PEX6: variants seen among roughly 807,000 people sequenced by gnomAD.
The protein encoded by PEX6 is peroxisomal biogenesis factor 6, also known as peroxisome biogenesis factor 6.
Under a neutral mutation model 85.6 loss-of-function variants are expected in PEX6, and 55 were observed. The ratio of observed to expected loss-of-function variants is 0.64; its 90% CI spans 0.52 to 0.80. The LOEUF is 0.80. PEX6 is among the 30% of genes least tolerant of loss of function. The probability of loss-of-function intolerance (pLI) is 0.00; values close to 1 mark genes in which losing one functional copy is unlikely to be tolerated. For synonymous variants in PEX6, 519 were observed against 549.1 expected, an observed-to-expected ratio of 0.95 and a Z score of 0.77; for missense variants, 1,099 against 1,260.3, an observed-to-expected ratio of 0.87 and a Z score of 1.94.
chr6:42,966,668 GA>G lies in PEX6; in HGVS notation c.1962-12del, dbSNP rs1554127104. 6.2e-7 allele frequency: 1 copy of G among 1,614,122 alleles called. No homozygotes were observed. Among genetic ancestry groups the G allele is most frequent in the Non-Finnish European group, 8.5e-7 (1 of 1,180,026 alleles). On this transcript the variant is annotated splice_polypyrimidine_tract_variant and intron_variant, in intron 9 of 16. Coordinates refer to ENST00000304611, the MANE Select transcript of PEX6 (RefSeq NM_000287.4). ...AAGCCACCTGCCAAACTGCAAAGAG[GA>G]ACACAGGGAAGCCTCCTCACCATCA...
chr6:42,976,720 C>T (rs981948861), intron 1 of PEX6, among the ~76,000 whole-genome samples: 2 of 151,592 alleles, frequency 1.3e-5, no homozygotes, highest in South Asian at 2.1e-4. Flanking sequence ...TCTGTTATGG[C>T]GAACTGGTGA....
chr6:42,978,184 G>T, intron 1 of PEX6, 85 bp downstream of exon 1: 1 of 1,477,348 alleles, frequency 6.8e-7, no homozygotes, highest in Non-Finnish European at 9.5e-7. Flanking sequence ...TATGGGGCAC[G>T]AGTCCTAAAT....
At position 42,966,518 on chromosome 6, in the gene PEX6, TCTC is replaced by T; in HGVS notation, c.2094+4_2094+6del. 1.2e-6 allele frequency: 2 copies of T among 1,614,060 alleles called. No individual in the cohort carries two copies. Among genetic ancestry groups the T allele is most frequent in the Non-Finnish European group, 1.7e-6 (2 of 1,179,998 alleles). On this transcript the variant is annotated splice_donor_5th_base_variant and intron_variant, in intron 10 of 16. Coordinates refer to ENST00000304611, the MANE Select transcript of PEX6 (RefSeq NM_000287.4). ...TCCTGTCCCACCTCCAAGGACTTGG[TCTC>T]CACCTTGGGGGCTCCAACGGCCTGG...
At position 42,966,087 on chromosome 6, in the gene PEX6, G is replaced by A. The variant is rs1436071129; in HGVS notation, c.2319C>T (p.Leu773=). Residue 773 remains leucine, a synonymous_variant, in exon 12 of 17, where the codon CTC becomes CTT. Coordinates refer to ENST00000304611, the MANE Select transcript of PEX6 (RefSeq NM_000287.4). ...LTFLSVKGPE[L]INMYVGQSEE... The stretch of plus-strand genomic sequence containing the variant: ...CACTTTGGCCCACATACATGTTAAT[G>A]AGCTCTGGCCCCTTCACGCTGAGTG... The A allele has an allele frequency of 1.9e-6, 3 of 1,613,990 alleles. No homozygotes were observed. Among genetic ancestry groups the A allele is most frequent in the Non-Finnish European group, 2.5e-6 (3 of 1,180,036 alleles).
At chr6:42,972,667 G>A (rs1233854059) in intron 3 of PEX6, among the ~76,000 whole-genome samples, 1 of 151,926 alleles carries the variant, frequency 6.6e-6, no homozygotes, top group Non-Finnish European at 1.5e-5. Context: ...CTACTTGGGA[G>A]GCTGAGGCAG....
Position 42,978,817 on chromosome 6 carries a change from G to A in PEX6, c.334C>T (p.Leu112=), listed in dbSNP as rs756950827. The A allele has an allele frequency of 9.8e-6, 15 of 1,533,216 alleles. No individual in the cohort carries two copies. The South Asian group carries it at 1.8e-4, about 18-fold the overall frequency. The allele number at this position is 1,533,216 out of a possible 1,614,324, so 95.0% of individuals were successfully genotyped here. A position where few individuals can be genotyped will look rare whatever the true frequency, so the allele number is the denominator to read the frequency against. The change falls in exon 1 of 17, where the codon CTG becomes TTG. Residue 112 remains leucine (L), a synonymous_variant. Coordinates refer to ENST00000304611, the MANE Select transcript of PEX6 (RefSeq NM_000287.4). ...ACTCGCGGTCCGAGCCCAGGCCCCA[G>A]CGAGGTGCCAAGCAGTGCCCAACCT... ...ALGWALLGTS[L]GPGLGPRVGP...
At chr6:42,966,474 G>C (rs1299610335) in intron 10 of PEX6, 27 bp from the exon 11 acceptor site, 2 of 1,614,160 alleles carry the variant, frequency 1.2e-6, no homozygotes, top group Admixed American at 1.7e-5. Flanking sequence ...GCGTGGTTGG[G>C]ATATGCTCTT....
At chr6:42,973,879 C>A in intron 3 of PEX6, 124 bp downstream of exon 3, 1 of 735,986 alleles carries the variant, frequency 1.4e-6, no homozygotes, top group Non-Finnish European at 2.4e-6. Context: ...CACACGCACA[C>A]ACAAAATACA....
chr6:42,970,845 A>G (rs930484209), intron 3 of PEX6, among the ~76,000 whole-genome samples: 2 of 152,160 alleles, frequency 1.3e-5, no homozygotes, highest in Admixed American at 6.5e-5. Flanking sequence ...TATTTTTTGA[A>G]AGCTTCCCCA....
chr6:42,973,735 A>G (rs1477033929), intron 3 of PEX6, among the ~76,000 whole-genome samples: 1 of 152,148 alleles, frequency 6.6e-6, no homozygotes, highest in East Asian at 1.9e-4. Flanking sequence ...GCGAACCTGT[A>G]GTCCCAGCTA....
Position 42,978,517 on chromosome 6 carries a change from G to C in PEX6, c.634C>G (p.Leu212Val). 3.7e-6 allele frequency: 6 copies of C among 1,614,106 alleles called. No homozygotes were observed. The African/African-American group carries it at 8.0e-5, about 22-fold the overall frequency. ...GDSLGVSRSC[L>V]RGLGLFQGEW... Reference sequence around the variant, plus strand: ...CCCTGGAAGAGGCCAAGGCCACGGAGACAGCTCCGGCTCACCCCTAGTGAA... The same window carrying C: ...CCCTGGAAGAGGCCAAGGCCACGGACACAGCTCCGGCTCACCCCTAGTGAA... The change falls in exon 1 of 17, where the codon CTC becomes GTC. Residue 212 changes from leucine (L) to valine (V), a missense_variant. By Grantham distance (32) the Leu-to-Val change is conservative (BLOSUM62 1). This residue lies in a region of PEX6 where 579 missense variants were observed against 611.6 expected (regional missense o/e 0.95). Coordinates refer to ENST00000304611, the MANE Select transcript of PEX6 (RefSeq NM_000287.4).
At position 42,979,010 on chromosome 6, in the gene PEX6, C is replaced by G. The variant is rs1464923917; in HGVS notation, c.141G>C (p.Pro47=). 10 of 1,517,570 alleles carry G rather than the reference C, an allele frequency of 6.6e-6. No individual in the cohort carries two copies. The highest frequency in any genetic ancestry group is 8.8e-6 in the Non-Finnish European group (10 of 1,139,944). 94.0% of individuals were successfully genotyped at this position (1,517,570 alleles called of 1,614,324 possible). ...CTGCCACCAGCAGCGCCGGCCCTGC[C>G]GGGCTCTCCCCTGCAGGCCTCAGGG... is the stretch of plus-strand genomic sequence containing the variant. ...VLALRPAGES[P]AGPALLVAAL... The change falls in exon 1 of 17, where the codon CCG becomes CCC. Residue 47 remains proline, a synonymous_variant. Transcript: ENST00000304611.
rs1770439751 is a variant in PEX6, at chr6:42,978,963, C to T, written c.188G>A (p.Gly63Asp). 1.3e-6 allele frequency: 2 copies of T among 1,497,476 alleles called. No homozygotes were observed. The highest frequency in any genetic ancestry group is 1.8e-6 in the Non-Finnish European group (2 of 1,131,962). The allele number at this position is 1,497,476 out of a possible 1,614,324, so 92.8% of individuals were successfully genotyped here. ...CGGCCCGGGACCCTGCTCTTCGGTG[C>T]CCGCGTCCGGCCCCTCCAGGGCTGC... ...LVAALEGPDA[G>D]TEEQGPGPPQ... is the part of the protein sequence containing the mutation. Residue 63 changes from glycine to aspartate, a missense_variant, in exon 1 of 17, where the codon GGC becomes GAC. Gly to Asp is a moderately conservative substitution (Grantham distance 94). Around this residue, in one of 3 missense-constraint regions of PEX6, gnomAD observed 579 missense variants for 611.6 expected, o/e 0.95. Coordinates refer to ENST00000304611, the MANE Select transcript of PEX6 (RefSeq NM_000287.4).
intron 8 of PEX6, among the ~76,000 whole-genome samples, 167 bp downstream of exon 8, chr6:42,967,201 T>G (rs1769858599): frequency 1.3e-5 from 2 of 151,990 alleles, no homozygotes; most frequent in African/African-American, 4.8e-5. Flanking sequence ...ACTCCCAACC[T>G]CAGGTGATCC....
At chr6:42,974,615 A>G (rs191731383) in intron 2 of PEX6, among the ~76,000 whole-genome samples, 62 of 147,720 alleles carry the variant, frequency 4.2e-4, no homozygotes, top group Middle Eastern at 3.5e-3. Context: ...CCACCACCAC[A>G]CTCGGCTAAT....
Position 42,966,862 on chromosome 6 carries a change from G to A in PEX6, c.1885-4C>T. ...AGAGATCCCCTACCACAAAGCCCTA[G>A]GGAACCACAGGAAAGGACACATGAG... is the stretch of plus-strand genomic sequence containing the variant. On this transcript the variant is annotated splice_region_variant and splice_polypyrimidine_tract_variant and intron_variant, in intron 8 of 16. Transcript: ENST00000304611. 6.2e-7 allele frequency: 1 copy of A among 1,611,298 alleles called. No homozygotes were observed. The highest frequency in any genetic ancestry group is 8.5e-7 in the Non-Finnish European group (1 of 1,179,682).
intron 4 of PEX6, 27 bp downstream of exon 4, chr6:42,969,858 G>A (rs1400275488): frequency 1.2e-6 from 2 of 1,613,966 alleles, no homozygotes; most frequent in African/African-American, 2.7e-5. Flanking sequence ...CCCCTGCGCT[G>A]GTCTACACCC....
rs375444046 is a variant in PEX6, at chr6:42,975,673, C to T, written c.883-635G>A. Reference sequence around the variant, plus strand: ...AATGTGGCTAAAAACAAAACAAAAACAAAGAAATGTAGCTAAAGCAACTAA... The same window carrying T: ...AATGTGGCTAAAAACAAAACAAAAATAAAGAAATGTAGCTAAAGCAACTAA... On this transcript the variant is annotated intron_variant, in intron 1 of 16. Coordinates refer to ENST00000304611, the MANE Select transcript of PEX6 (RefSeq NM_000287.4). Among the ~76,000 whole-genome samples, 254 of 151,374 alleles carry T rather than the reference C, an allele frequency of 1.7e-3. 1 individual carries two copies. The highest frequency in any genetic ancestry group is 5.8e-3 in the African/African-American group (239 of 41,298).
chr6:42,964,346 C>G lies in PEX6; in HGVS notation c.2932G>C (p.Ala978Pro). ...ACCCTGGGGGGCTCCTAGCAGGCAG[C>G]AAACTTGCGCTGGATGCGCTTGTAC... ...LRYKRIQRKF[A>P]AC Residue 978 changes from alanine to proline, a missense_variant, in exon 17 of 17, where the codon GCT becomes CCT. Around this residue, in one of 3 missense-constraint regions of PEX6, gnomAD observed 514 missense variants for 627.0 expected, o/e 0.82. Coordinates refer to ENST00000304611, the MANE Select transcript of PEX6 (RefSeq NM_000287.4). This position sits in a 1 kb window ranked among gnomAD's most constrained non-coding sequence, Gnocchi z 4.6. The G allele has an allele frequency of 6.2e-7, 1 of 1,613,742 alleles. No homozygotes were observed. Among genetic ancestry groups the G allele is most frequent in the Non-Finnish European group, 8.5e-7 (1 of 1,179,988 alleles).
Sources: gnomAD v4.1 joint callset for allele counts (sites outside exome capture counted in the v4.1 genomes callset) on GRCh38, gnomAD v4.1.1 for gene constraint, gnomAD v4.1.1 regional missense constraint, Gnocchi (gnomAD v3.1) non-coding constraint, MANE v1.5 for transcripts, NCBI Gene and HGNC (gene_info 2026-07-23, HGNC 2026-07-21) for gene names.